The following EYS variants were observed in gnomAD, a reference collection of about 807,000 sequenced individuals.
EYS encodes EGF-like photoreceptor maintenance factor.
EYS carries 250 observed loss-of-function variants against 282.1 expected under a neutral mutation model. The ratio of observed to expected loss-of-function variants is 0.89; its 90% CI spans 0.80 to 0.98. EYS has a LOEUF of 0.98. EYS is among the 50% of genes least tolerant of loss of function. The pLI, the probability that EYS is intolerant of heterozygous loss-of-function variation, is 0.00. For missense variants in EYS, 4,016 were observed against 3,709.0 expected, an observed-to-expected ratio of 1.08 and a Z score of -2.15; for synonymous variants, 1,355 against 1,282.9, an observed-to-expected ratio of 1.06 and a Z score of -1.20.
chr6:64,089,084 A>G (rs1772261460), intron 31 of EYS, among the ~76,000 whole-genome samples: 1 of 151,946 alleles, frequency 6.6e-6, no homozygotes, highest in Non-Finnish European at 1.5e-5. Context: ...GTAGTTTTTC[A>G]CCTTCCCCAG....
At chr6:63,999,736 A>T in intron 33 of EYS, among the ~76,000 whole-genome samples, 1 of 152,236 alleles carries the variant, frequency 6.6e-6, no homozygotes, top group Non-Finnish European at 1.5e-5. Flanking sequence ...TCTCAGAGAT[A>T]AAAGCATAAG....
At chr6:63,773,284 G>C (rs1205837325) in intron 40 of EYS, among the ~76,000 whole-genome samples, 1 of 152,086 alleles carries the variant, frequency 6.6e-6, no homozygotes, top group Non-Finnish European at 1.5e-5. Flanking sequence ...ATCTCTAAAA[G>C]ACAGAGTTAA....
At chr6:65,585,760 A>G (rs1440723407) in intron 2 of EYS, among the ~76,000 whole-genome samples, 1 of 151,980 alleles carries the variant, frequency 6.6e-6, no homozygotes, top group Non-Finnish European at 1.5e-5. Context: ...AGAAAAGATT[A>G]ATAGAAGATT....
chr6:65,600,289 C>T (rs950564232), intron 2 of EYS, among the ~76,000 whole-genome samples: 3 of 151,966 alleles, frequency 2.0e-5, no homozygotes, highest in Non-Finnish European at 4.4e-5. Context: ...TGTTGCATTG[C>T]TAAGTAATTA....
At position 65,261,622 on chromosome 6, in the gene EYS, G is replaced by A. The variant is rs527960510; in HGVS notation, c.2023+34241C>T. 3.9e-5 allele frequency among the ~76,000 whole-genome samples: 6 copies of A among 152,094 alleles called. No homozygotes were observed. In the East Asian group the frequency reaches 9.7e-4, roughly 25 times the overall value. ...ACTATGTATAGATAAAAAATAAGAA[G>A]ATTGTCATTTGTCTATGATCAAATT... On this transcript the variant is annotated intron_variant, in intron 12 of 42. Coordinates refer to ENST00000503581, the MANE Select transcript of EYS (RefSeq NM_001142800.2).
chr6:65,057,222 T>G (rs1269263334), intron 13 of EYS, among the ~76,000 whole-genome samples: 1 of 152,008 alleles, frequency 6.6e-6, no homozygotes, highest in South Asian at 2.1e-4. Context: ...AGTTGAACAC[T>G]GAAAAATTAA....
chr6:64,142,018 A>G (rs1188595038), intron 31 of EYS, among the ~76,000 whole-genome samples: 1 of 152,100 alleles, frequency 6.6e-6, no homozygotes, highest in African/African-American at 2.4e-5. Flanking sequence ...CTGGAAGTGT[A>G]ATGTTTTCAT....
At chr6:65,536,688 A>G (rs893130836) in intron 2 of EYS, among the ~76,000 whole-genome samples, 2 of 152,178 alleles carry the variant, frequency 1.3e-5, no homozygotes, top group African/African-American at 4.8e-5. Flanking sequence ...AGTGAAGGCC[A>G]GAAATCAAAC....
intron 22 of EYS, among the ~76,000 whole-genome samples, chr6:64,675,816 T>G (rs929204974): frequency 1.1e-4 from 16 of 151,920 alleles, no homozygotes; most frequent in Non-Finnish European, 1.3e-4. Context: ...ACCTGCACTA[T>G]GGTCTCTTAG....
chr6:64,450,228 C>T (rs1460436219), intron 26 of EYS, among the ~76,000 whole-genome samples: 2 of 151,926 alleles, frequency 1.3e-5, no homozygotes, highest in African/African-American at 4.8e-5. Context: ...ATAAAACAGA[C>T]TTTAAACCAA....
intron 2 of EYS, among the ~76,000 whole-genome samples, chr6:65,519,280 C>T (rs1767256233): frequency 6.6e-6 from 1 of 151,014 alleles, no homozygotes; most frequent in African/African-American, 2.4e-5. Context: ...ACATTGTTGC[C>T]TCTGTGTGTG....
chr6:64,287,631 G>A (rs1414222426), intron 30 of EYS, among the ~76,000 whole-genome samples: 1 of 135,676 alleles, frequency 7.4e-6, no homozygotes, highest in Non-Finnish European at 1.6e-5. Context: ...GTAATGAGGC[G>A]GTATGGCCAC....
At chr6:64,314,135 G>A (rs1769837966) in intron 29 of EYS, among the ~76,000 whole-genome samples, 2 of 127,814 alleles carry the variant, frequency 1.6e-5, no homozygotes, top group Admixed American at 1.9e-4. Flanking sequence ...TTCATGTGCA[G>A]AGACACACAC....
chr6:64,386,358 A>T (rs904107005), intron 29 of EYS, among the ~76,000 whole-genome samples: 2 of 152,190 alleles, frequency 1.3e-5, no homozygotes, highest in African/African-American at 4.8e-5. Context: ...TCACAATCAC[A>T]GTGGAAGGCA....
intron 40 of EYS, among the ~76,000 whole-genome samples, chr6:63,774,571 A>G (rs965199258): frequency 6.6e-6 from 1 of 152,196 alleles, no homozygotes; most frequent in Non-Finnish European, 1.5e-5. Context: ...TTGTGTTTTG[A>G]AAATTGCTGA....
chr6:64,454,794 G>A lies in EYS; in HGVS notation c.5645-15442C>T, dbSNP rs1775501235. On this transcript the variant is annotated intron_variant, in intron 26 of 42. Transcript: ENST00000503581. The stretch of plus-strand genomic sequence containing the variant: ...ATGCCCACCACAAAGAGATATGTAG[G>A]GATAACTCTAATTTATATCCTTGTG... Among the ~76,000 whole-genome samples, 4 of 151,896 alleles carry A rather than the reference G, an allele frequency of 2.6e-5. No homozygotes were observed. The South Asian group carries it at 8.3e-4, about 32-fold the overall frequency.
In EYS at chr6:64,827,681, AAAT is replaced by A. The variant is rs1397758566; in HGVS notation, c.2993-4862_2993-4860del. ...ATATTTCTAACCATTTTGAATTACA[AAAT>A]TAAAAAAGTCATAAGAGCTCCAAAA... On this transcript the variant is annotated intron_variant, in intron 19 of 42. Coordinates refer to ENST00000503581, the MANE Select transcript of EYS (RefSeq NM_001142800.2). Among the ~76,000 whole-genome samples, 6 of 152,032 alleles carry A rather than the reference AAAT, an allele frequency of 3.9e-5. 1 individual carries two copies. In the East Asian group the frequency reaches 1.2e-3, roughly 30 times the overall value.
At chr6:65,624,890 T>C (rs542150870) in intron 2 of EYS, among the ~76,000 whole-genome samples, 147 of 152,280 alleles carry the variant, frequency 9.7e-4, no homozygotes, top group African/African-American at 3.5e-3. Flanking sequence ...TCCTTGCTCC[T>C]CAGCTTTCAG....
intron 5 of EYS, among the ~76,000 whole-genome samples, chr6:65,456,768 A>C (rs1271931863): frequency 4.6e-5 from 7 of 152,122 alleles, no homozygotes; most frequent in African/African-American, 1.7e-4. Flanking sequence ...CTTTATGCCT[A>C]ATTTCACCAT....
Sources: allele counts gnomAD v4.1 joint callset (sites outside exome capture counted in the v4.1 genomes callset), GRCh38; gene constraint gnomAD v4.1.1; transcripts MANE v1.5; gene names NCBI Gene and HGNC (gene_info 2026-07-23, HGNC 2026-07-21).